PDE12: variants seen among roughly 807,000 people sequenced by gnomAD.
PDE12 encodes the protein phosphodiesterase 12, also known as 2',5'-phosphodiesterase 12.
A neutral mutation model predicts 45.4 loss-of-function variants in PDE12; 26 were observed. The ratio of observed to expected loss-of-function variants is 0.57; its 90% CI spans 0.42 to 0.79. The LOEUF (loss-of-function observed/expected upper bound fraction) is 0.79. Among genes scored for constraint, PDE12 ranks in the 30% least tolerant of loss-of-function variants. The pLI is 0.00. For missense variants in PDE12, 668 were observed against 790.0 expected, an observed-to-expected ratio of 0.85 and a Z score of 1.85; for synonymous variants, 283 against 323.9, an observed-to-expected ratio of 0.87 and a Z score of 1.36.
chr3:57,609,605 C>T, the PDE12 span, among the ~76,000 whole-genome samples: 1 of 152,112 alleles, frequency 6.6e-6, no homozygotes, highest in Admixed American at 6.6e-5. Flanking sequence ...ACTATAAACA[C>T]CTTTATGAAA....
At chr3:57,628,289 C>T in the PDE12 span, 3 of 1,614,000 alleles carry the variant, frequency 1.9e-6, no homozygotes, top group African/African-American at 4.0e-5. Flanking sequence ...CTATGTGTGT[C>T]CGTAACTTTT....
the PDE12 span, among the ~76,000 whole-genome samples, chr3:57,650,510 A>G: frequency 1.3e-5 from 2 of 152,102 alleles, no homozygotes; most frequent in South Asian, 4.1e-4. Flanking sequence ...ATGATATCTC[A>G]ATATCAATAA....
At chr3:57,590,343 G>T in the PDE12 span, among the ~76,000 whole-genome samples, 2 of 149,918 alleles carry the variant, frequency 1.3e-5, no homozygotes, top group African/African-American at 2.5e-5. Context: ...AAAATTAGCC[G>T]GGCGCAGTGG....
chr3:57,607,888 G>C, the PDE12 span, among the ~76,000 whole-genome samples: 1 of 152,000 alleles, frequency 6.6e-6, no homozygotes, highest in Non-Finnish European at 1.5e-5. Flanking sequence ...TACACAGAAC[G>C]CCACAAAGAT....
chr3:57,561,843 T>C lies in PDE12; in HGVS notation c.*1839T>C, dbSNP rs1021968403. 1.0e-6 allele frequency: 1 copy of C among 985,376 alleles called. No individual in the cohort carries two copies. The highest frequency in any genetic ancestry group is 6.1e-5 in the Admixed American group (1 of 16,280). The allele number at this position is 985,376 out of a possible 1,614,324, so 61.0% of individuals were successfully genotyped here. A position where few individuals can be genotyped will look rare whatever the true frequency, so the allele number is the denominator to read the frequency against. ...AGTTTGAAAATGAAGGGGTTTTATC[T>C]GCATTTGACATTGAACCTTGAAGTA... is the stretch of plus-strand genomic sequence containing the variant. On this transcript the variant is annotated 3_prime_UTR_variant, in exon 3 of 3. Transcript: ENST00000311180.
At position 57,560,431 on chromosome 3, in the gene PDE12, T is replaced by C. The variant is rs1165112302; in HGVS notation, c.*427T>C. The C allele has an allele frequency of 6.0e-6, 3 of 498,834 alleles. No homozygotes were observed. The highest frequency in any genetic ancestry group is 7.8e-6 in the Non-Finnish European group (3 of 383,176). 30.9% of individuals were successfully genotyped at this position (498,834 alleles called of 1,614,324 possible). A position where few individuals can be genotyped will look rare whatever the true frequency, so the allele number is the denominator to read the frequency against. On this transcript the variant is annotated 3_prime_UTR_variant, in exon 3 of 3. Coordinates refer to ENST00000311180, the MANE Select transcript of PDE12 (RefSeq NM_177966.7). ...ACCTCCGCCCCCTGGGTTTAAGCGATTCTCCTGCCTCAGCTTCCCGAGTAG... is the reference window on the plus strand; with the variant it reads ...ACCTCCGCCCCCTGGGTTTAAGCGACTCTCCTGCCTCAGCTTCCCGAGTAG...
chr3:57,570,495 G>A (rs1285263261), downstream of PDE12, among the ~76,000 whole-genome samples: 2 of 151,302 alleles, frequency 1.3e-5, no homozygotes, highest in East Asian at 1.9e-4. Flanking sequence ...TAGGATTACA[G>A]GTGTGAGCCA....
the PDE12 span, among the ~76,000 whole-genome samples, chr3:57,655,737 A>T: frequency 6.6e-6 from 1 of 152,218 alleles, no homozygotes; most frequent in South Asian, 2.1e-4. Context: ...TATATGCAAA[A>T]ATCCCCAAAT....
chr3:57,561,949 G>C lies in PDE12; in HGVS notation c.*1945G>C, dbSNP rs1412009480. The C allele has an allele frequency of 2.0e-6, 2 of 984,610 alleles. No individual in the cohort carries two copies. The highest frequency in any genetic ancestry group is 6.2e-5 in the Admixed American group (1 of 16,256). 61.0% of individuals were successfully genotyped at this position (984,610 alleles called of 1,614,324 possible). ...AAAAAACTATAAATAAAAAATTGAT[G>C]CTACCAAATTGTGCCTTCCTAAATA... is the stretch of plus-strand genomic sequence containing the variant. On this transcript the variant is annotated 3_prime_UTR_variant, in exon 3 of 3. Transcript: ENST00000311180.
At chr3:57,634,486 G>C in the PDE12 span, 3 of 814,902 alleles carry the variant, frequency 3.7e-6, no homozygotes, top group African/African-American at 5.4e-5. Flanking sequence ...ATACATAAAG[G>C]ACATATTGCG....
the PDE12 span, among the ~76,000 whole-genome samples, chr3:57,610,018 C>T: frequency 5.7e-4 from 87 of 152,146 alleles, no homozygotes; most frequent in Non-Finnish European, 4.4e-5. Context: ...CAGCAGCACA[C>T]CAAAAAGCTT....
Position 57,560,716 on chromosome 3 carries a change from C to T in PDE12, c.*712C>T, listed in dbSNP as rs541272922. 15 of 983,396 alleles carry T rather than the reference C, an allele frequency of 1.5e-5. No homozygotes were observed. The African/African-American group carries it at 2.6e-4, about 17-fold the overall frequency. The allele number at this position is 983,396 out of a possible 1,614,324, so 60.9% of individuals were successfully genotyped here. On this transcript the variant is annotated 3_prime_UTR_variant, in exon 3 of 3. Transcript: ENST00000311180. ...AATGATCTTAATTTTTCTTTCATGACAACACATTCCAAAATGAATCATGCT... is the reference window on the plus strand; with the variant it reads ...AATGATCTTAATTTTTCTTTCATGATAACACATTCCAAAATGAATCATGCT...
the PDE12 span, among the ~76,000 whole-genome samples, chr3:57,585,931 T>G: frequency 6.6e-6 from 1 of 152,034 alleles, no homozygotes; most frequent in Non-Finnish European, 1.5e-5. Flanking sequence ...CAAAGTGCTG[T>G]GATTACAGAT....
At chr3:57,616,211 C>A in the PDE12 span, among the ~76,000 whole-genome samples, 1 of 152,144 alleles carries the variant, frequency 6.6e-6, no homozygotes, top group Non-Finnish European at 1.5e-5. Flanking sequence ...GTACTCCCAG[C>A]TACTCAGGAG....
chr3:57,641,875 T>A, the PDE12 span: 1 of 645,238 alleles, frequency 1.5e-6, no homozygotes, highest in Non-Finnish European at 2.5e-6. Context: ...TTCAACACAT[T>A]ACATATCAAC....
At chr3:57,625,017 C>T in the PDE12 span, among the ~76,000 whole-genome samples, 2 of 152,066 alleles carry the variant, frequency 1.3e-5, no homozygotes, top group Non-Finnish European at 2.9e-5. Context: ...CCCTCACCCA[C>T]CTGAGCCACC....
the PDE12 span, among the ~76,000 whole-genome samples, chr3:57,600,462 C>T: frequency 6.7e-6 from 1 of 149,690 alleles, no homozygotes; most frequent in African/African-American, 2.5e-5. Flanking sequence ...TTCCCTTTTC[C>T]CTTCCCTTTT....
the PDE12 span, among the ~76,000 whole-genome samples, chr3:57,591,708 G>A: frequency 6.6e-6 from 1 of 152,000 alleles, no homozygotes; most frequent in Non-Finnish European, 1.5e-5. Flanking sequence ...CTCGTGATCT[G>A]CCCGCCTCAG....
At chr3:57,616,067 A>T in the PDE12 span, among the ~76,000 whole-genome samples, 2 of 152,212 alleles carry the variant, frequency 1.3e-5, no homozygotes, top group Non-Finnish European at 2.9e-5. Context: ...TCATGCCTGT[A>T]ATCCTAGCAC....
Sources: allele counts gnomAD v4.1 joint callset (sites outside exome capture counted in the v4.1 genomes callset), GRCh38; gene constraint gnomAD v4.1.1; transcripts MANE v1.5; gene names NCBI Gene and HGNC (gene_info 2026-07-23, HGNC 2026-07-21).